TPST2: variants seen among roughly 807,000 people sequenced by gnomAD.
The protein encoded by TPST2 is tyrosylprotein sulfotransferase 2.
Under a neutral mutation model 27.8 loss-of-function variants are expected in TPST2, and 16 were observed. That is an observed-to-expected ratio of 0.58 (90% CI 0.39 to 0.88). The LOEUF is 0.88. Ranked by LOEUF, TPST2 falls within the 40% of genes least tolerant of loss-of-function variation. TPST2 has a pLI of 0.00. For missense variants in TPST2, 464 were observed against 543.1 expected (o/e 0.85, Z 1.45); for synonymous variants, 229 against 231.7 (o/e 0.99, Z 0.10).
At chr22:26,544,336 T>G (rs1352436316) in intron 2 of TPST2, among the ~76,000 whole-genome samples, 2 of 152,152 alleles carry the variant, frequency 1.3e-5, no homozygotes, top group African/African-American at 4.8e-5. Context: ...CCCGCCCACT[T>G]TGGGACTCAG....
intron 1 of TPST2, among the ~76,000 whole-genome samples, chr22:26,582,896 T>C (rs1928170596): frequency 1.3e-5 from 2 of 151,884 alleles, no homozygotes. Context: ...GAACAACAGT[T>C]AGGTAGGGGC....
At chr22:26,583,931 G>A (rs565833128) in intron 1 of TPST2, among the ~76,000 whole-genome samples, 4 of 152,358 alleles carry the variant, frequency 2.6e-5, no homozygotes, top group East Asian at 3.9e-4. Context: ...CTGAAAAGCC[G>A]CACTTACGTG....
At chr22:26,573,322 C>A (rs1319942979) in intron 1 of TPST2, among the ~76,000 whole-genome samples, 1 of 152,244 alleles carries the variant, frequency 6.6e-6, no homozygotes, top group Non-Finnish European at 1.5e-5. Context: ...TGAGCCACGG[C>A]GCCCTGCCTA....
chr22:26,534,262 C>T (rs1206866846), intron 4 of TPST2, among the ~76,000 whole-genome samples: 2 of 152,160 alleles, frequency 1.3e-5, no homozygotes, highest in Non-Finnish European at 1.5e-5. Context: ...GTCCACAGCA[C>T]TCACAGAAGC....
At chr22:26,570,029 A>AAG (rs1284785627) in intron 1 of TPST2, among the ~76,000 whole-genome samples, 1 of 126,736 alleles carries the variant, frequency 7.9e-6, no homozygotes, top group African/African-American at 3.5e-5. Context: ...GAAAGAAAGA[A>AAG]AGAAAGAAAG....
intron 1 of TPST2, among the ~76,000 whole-genome samples, chr22:26,585,991 C>T (rs901957648): frequency 2.0e-5 from 3 of 151,942 alleles, no homozygotes; most frequent in Admixed American, 1.3e-4. Flanking sequence ...TGGAGTGAGC[C>T]GAGATCACGC....
At chr22:26,543,630 A>G (rs1925974842) in intron 2 of TPST2, among the ~76,000 whole-genome samples, 1 of 152,170 alleles carries the variant, frequency 6.6e-6, no homozygotes, top group Non-Finnish European at 1.5e-5. Flanking sequence ...TATGTTCAGC[A>G]AAGGTGTTCG....
chr22:26,530,128 TTTG>T (rs1925071686), intron 5 of TPST2, among the ~76,000 whole-genome samples: 1 of 152,104 alleles, frequency 6.6e-6, no homozygotes, highest in Non-Finnish European at 1.5e-5. Flanking sequence ...TGCCTTCGTT[TTTG>T]TTGTTGTTGT....
chr22:26,535,792 CAAAA>C (rs1177640051), intron 4 of TPST2: 2 of 315,536 alleles, frequency 6.3e-6, no homozygotes, highest in Non-Finnish European at 1.2e-5. Context: ...CAGTACAAAA[CAAAA>C]AAGTCATTTC....
chr22:26,536,601 C>T (rs1410387127), intron 3 of TPST2, 115 bp from the exon 4 acceptor site: 11 of 954,026 alleles, frequency 1.2e-5, no homozygotes, highest in African/African-American at 1.6e-5. Flanking sequence ...TGGCCTCCAC[C>T]CAGCTCTGCC....
intron 5 of TPST2, among the ~76,000 whole-genome samples, chr22:26,532,324 G>A (rs1046002242): frequency 2.6e-5 from 4 of 152,104 alleles, no homozygotes; most frequent in African/African-American, 7.2e-5. Context: ...TCTGTCGCTC[G>A]GGCTACAGTG....
chr22:26,584,137 T>G (rs1184991147), intron 1 of TPST2, among the ~76,000 whole-genome samples: 1 of 152,230 alleles, frequency 6.6e-6, no homozygotes, highest in East Asian at 1.9e-4. Flanking sequence ...ACAAAAAACA[T>G]GCAGCAGGGT....
At chr22:26,558,931 A>G (rs1419701170) in intron 1 of TPST2, among the ~76,000 whole-genome samples, 1 of 152,260 alleles carries the variant, frequency 6.6e-6, no homozygotes, top group East Asian at 1.9e-4. Context: ...CAAGGCAGAA[A>G]GAAAAAAATC....
chr22:26,542,801 T>C (rs986014076), intron 2 of TPST2, among the ~76,000 whole-genome samples: 2 of 152,178 alleles, frequency 1.3e-5, no homozygotes, highest in African/African-American at 4.8e-5. Flanking sequence ...AGTGACTTAG[T>C]GAACGGAGGG....
chr22:26,570,433 T>A (rs1008776205), intron 1 of TPST2, among the ~76,000 whole-genome samples: 5 of 152,152 alleles, frequency 3.3e-5, no homozygotes, highest in Non-Finnish European at 5.9e-5. Flanking sequence ...GGAGGTTATG[T>A]CTGCTTGTCT....
At chr22:26,567,159 C>T (rs1031153926) in intron 1 of TPST2, among the ~76,000 whole-genome samples, 2 of 152,196 alleles carry the variant, frequency 1.3e-5, no homozygotes, top group Non-Finnish European at 2.9e-5. Flanking sequence ...CTGTCCAGTG[C>T]CTGATGCACA....
At chr22:26,577,265 TA>T (rs35985150) in intron 1 of TPST2, among the ~76,000 whole-genome samples, 5,888 of 127,538 alleles carry the variant, frequency 0.046, 423 homozygotes, top group African/African-American at 0.16. Context: ...ACCCTGTCTT[TA>T]AAAAAAAAAA....
chr22:26,577,321 G>A (rs1042907871), intron 1 of TPST2, among the ~76,000 whole-genome samples: 1 of 149,348 alleles, frequency 6.7e-6, no homozygotes, highest in Admixed American at 6.7e-5. Context: ...GTGCCTGGGG[G>A]GTTTTCTACA....
At chr22:26,539,647 T>C (rs940292422) in intron 3 of TPST2, among the ~76,000 whole-genome samples, 13 of 150,802 alleles carry the variant, frequency 8.6e-5, no homozygotes, top group African/African-American at 2.9e-4. Context: ...TGCTCGCCTG[T>C]AGTCCCAACT....
Sources: allele counts gnomAD v4.1 joint callset (sites outside exome capture counted in the v4.1 genomes callset), GRCh38; gene constraint gnomAD v4.1.1; transcripts MANE v1.5; gene names NCBI Gene and HGNC (gene_info 2026-07-23, HGNC 2026-07-21).